The following PCDHGA11 variants were observed in gnomAD, a reference collection of about 807,000 sequenced individuals.
PCDHGA11 encodes protocadherin gamma subfamily A, 11.
A neutral mutation model predicts 60.4 loss-of-function variants in PCDHGA11; 39 were observed. The observed-to-expected ratio is 0.65, with a 90% CI of 0.50 to 0.84. PCDHGA11 has a LOEUF of 0.84. PCDHGA11 is among the 40% of genes least tolerant of loss of function. The pLI is 0.00. For missense variants in PCDHGA11, 1,165 were observed against 1,197.7 expected (o/e 0.97, Z 0.40); for synonymous variants, 533 against 510.3 (o/e 1.04, Z -0.60).
Position 141,477,187 on chromosome 5 carries a change from G to A in PCDHGA11, c.2434-17620G>A, listed in dbSNP as rs2154575648. ...CCCCGGAGATCACAGTCACCTCCGT[G>A]TACAGCCCAGTACCCGAGGATGCCC... On this transcript the variant is annotated intron_variant, in intron 1 of 3. Coordinates refer to ENST00000398587, the MANE Select transcript of PCDHGA11 (RefSeq NM_018914.3). The surrounding 1 kb of genome is among the most constrained non-coding windows in gnomAD (Gnocchi z 4.9). The A allele has an allele frequency of 6.2e-7, 1 of 1,614,190 alleles. No individual in the cohort carries two copies. The highest frequency in any genetic ancestry group is 2.2e-5 in the East Asian group (1 of 44,874).
chr5:141,510,069 CCAGCAGAGTGCCTGG>C (rs994886462), intron 3 of PCDHGA11, among the ~76,000 whole-genome samples: 12 of 152,260 alleles, frequency 7.9e-5, no homozygotes, highest in Admixed American at 7.8e-4. Context: ...TGTGAAGCAT[CCAGCAGAGTGCCTGG>C]CACACAGTAG....
chr5:141,428,081 C>T (rs768842388), intron 1 of PCDHGA11: 2 of 1,609,218 alleles, frequency 1.2e-6, no homozygotes, highest in Non-Finnish European at 1.7e-6. Context: ...CGGGACACAA[C>T]GCTTGGCTGT....
chr5:141,488,634 G>A (rs937680420), intron 1 of PCDHGA11, among the ~76,000 whole-genome samples: 4 of 152,150 alleles, frequency 2.6e-5, no homozygotes, highest in Non-Finnish European at 4.4e-5. Context: ...CACCTTAGCA[G>A]CATTCAGCAG....
chr5:141,484,788 TAAC>T (rs1245576501), intron 1 of PCDHGA11, among the ~76,000 whole-genome samples: 1 of 151,732 alleles, frequency 6.6e-6, no homozygotes, highest in Non-Finnish European at 1.5e-5. Flanking sequence ...CCCACAGAGA[TAAC>T]AACCCGTGGA....
chr5:141,501,419 C>A (rs910783867), intron 2 of PCDHGA11, among the ~76,000 whole-genome samples: 1 of 151,920 alleles, frequency 6.6e-6, no homozygotes, highest in Non-Finnish European at 1.5e-5. Flanking sequence ...AAATAGTTGA[C>A]TAAATGTAGT....
intron 1 of PCDHGA11, chr5:141,428,296 AT>A: frequency 1.4e-6 from 1 of 713,574 alleles, no homozygotes; most frequent in Non-Finnish European, 2.5e-6. Flanking sequence ...AAAGCTGCAG[AT>A]TTACCTGGTC....
chr5:141,430,404 A>C (rs1054341813), intron 1 of PCDHGA11, among the ~76,000 whole-genome samples: 1 of 152,000 alleles, frequency 6.6e-6, no homozygotes, highest in African/African-American at 2.4e-5. Context: ...AAAGCTCACT[A>C]AAGTTTCTAT....
At chr5:141,440,732 A>C (rs2154559008) in intron 1 of PCDHGA11, 1 of 152,346 alleles carries the variant, frequency 6.6e-6, no homozygotes, top group African/African-American at 2.4e-5. Context: ...GTGTTAGAGA[A>C]GCTGCTTGAC....
intron 1 of PCDHGA11, among the ~76,000 whole-genome samples, chr5:141,448,571 C>G (rs1207283773): frequency 6.6e-6 from 1 of 152,128 alleles, no homozygotes; most frequent in Non-Finnish European, 1.5e-5. Flanking sequence ...TTTTATTTCC[C>G]CATTTTTTTT....
intron 1 of PCDHGA11, among the ~76,000 whole-genome samples, chr5:141,450,304 T>C (rs759506660): frequency 1.3e-5 from 2 of 151,906 alleles, no homozygotes; most frequent in African/African-American, 2.4e-5. Flanking sequence ...TGAGCCACCA[T>C]GTGTGGCCTA....
At chr5:141,435,214 A>G (rs1314928643) in intron 1 of PCDHGA11, among the ~76,000 whole-genome samples, 2 of 152,176 alleles carry the variant, frequency 1.3e-5, no homozygotes, top group South Asian at 2.1e-4. Context: ...AAGTGAATTT[A>G]CTTTCTTTCA....
Position 141,431,583 on chromosome 5 carries a change from C to A in PCDHGA11, c.2433+7923C>A, listed in dbSNP as rs771534481. On this transcript the variant is annotated intron_variant, in intron 1 of 3. Transcript: ENST00000398587. The surrounding 1 kb of genome is among the most constrained non-coding windows in gnomAD (Gnocchi z 4.8). ...ACCGACCCTGACGAAGGAGTCAATGCGGAAGTGAGGTATTCCTTCCGGTAT... is the reference window on the plus strand; with the variant it reads ...ACCGACCCTGACGAAGGAGTCAATGAGGAAGTGAGGTATTCCTTCCGGTAT... The A allele has an allele frequency of 1.1e-5, 18 of 1,614,008 alleles. No individual in the cohort carries two copies. In the South Asian group the frequency reaches 1.2e-4, roughly 11 times the overall value.
chr5:141,505,371 C>T (rs2099845827), intron 2 of PCDHGA11, 22 bp from the exon 3 acceptor site: 4 of 1,613,980 alleles, frequency 2.5e-6, no homozygotes, highest in Non-Finnish European at 3.4e-6. Context: ...AGTCTGTGCT[C>T]ACCATCCTAC....
chr5:141,509,645 G>C (rs138497208), intron 3 of PCDHGA11, among the ~76,000 whole-genome samples: 8 of 152,338 alleles, frequency 5.3e-5, no homozygotes, highest in African/African-American at 1.9e-4. Context: ...GCCAGGGCCA[G>C]AGTGTGGACT....
chr5:141,422,047 A>G lies in PCDHGA11; in HGVS notation c.820A>G (p.Ile274Val). The stretch of plus-strand genomic sequence containing the variant: ...TAATGCAACGGATCCAGACGAGGGA[A>G]TCAACGGGGAAGTAATGTATTCATT... ...MVNATDPDEG[I>V]NGEVMYSFRN... The change falls in exon 1 of 4, where the codon ATC (isoleucine) becomes GTC (valine). Residue 274 changes from isoleucine to valine, a missense_variant. Coordinates refer to ENST00000398587, the MANE Select transcript of PCDHGA11 (RefSeq NM_018914.3). 6.2e-7 allele frequency: 1 copy of G among 1,611,610 alleles called. No homozygotes were observed. Among genetic ancestry groups the G allele is most frequent in the Non-Finnish European group, 8.5e-7 (1 of 1,179,254 alleles).
At chr5:141,436,829 G>C (rs1194891483) in intron 1 of PCDHGA11, among the ~76,000 whole-genome samples, 3 of 152,214 alleles carry the variant, frequency 2.0e-5, no homozygotes, top group African/African-American at 7.2e-5. Flanking sequence ...AAAATCTTAA[G>C]TGCCTAGGCA....
Position 141,491,590 on chromosome 5 carries a change from G to A in PCDHGA11, c.2434-3217G>A, listed in dbSNP as rs376104513. ...GACGTGCTTTTCACCGGCCTCGGAC[G>A]GCAGTGACTTCACTTTTCTAAGACC... On this transcript the variant is annotated intron_variant, in intron 1 of 3. Transcript: ENST00000398587. The surrounding 1 kb of genome is among the most constrained non-coding windows in gnomAD (Gnocchi z 6.9). 15 of 1,613,828 alleles carry A rather than the reference G, an allele frequency of 9.3e-6. No homozygotes were observed. In the African/African-American group the frequency reaches 2.0e-4, roughly 22 times the overall value.
Position 141,477,230 on chromosome 5 carries a change from G to A in PCDHGA11, c.2434-17577G>A, listed in dbSNP as rs768648952. The A allele has an allele frequency of 1.3e-5, 21 of 1,614,164 alleles. No individual in the cohort carries two copies. The highest frequency in any genetic ancestry group is 1.8e-5 in the Non-Finnish European group (21 of 1,180,046). On this transcript the variant is annotated intron_variant, in intron 1 of 3. Coordinates refer to ENST00000398587, the MANE Select transcript of PCDHGA11 (RefSeq NM_018914.3). This position sits in a 1 kb window ranked among gnomAD's most constrained non-coding sequence, Gnocchi z 4.9. ...GGATGCCCCTCTGGGGACTGTCATC[G>A]CTTTGCTCAGTGTGACTGACCTGGA...
At chr5:141,475,059 G>T (rs2099358742) in intron 1 of PCDHGA11, among the ~76,000 whole-genome samples, 1 of 152,180 alleles carries the variant, frequency 6.6e-6, no homozygotes, top group South Asian at 2.1e-4. Flanking sequence ...AAAGATTTGT[G>T]GAGCTTTGCT....
Sources: gnomAD v4.1 joint callset for allele counts (sites outside exome capture counted in the v4.1 genomes callset) on GRCh38, gnomAD v4.1.1 for gene constraint, Gnocchi (gnomAD v3.1) non-coding constraint, MANE v1.5 for transcripts, NCBI Gene and HGNC (gene_info 2026-07-23, HGNC 2026-07-21) for gene names.